Variants in NAA16 observed in about 807,000 individuals in gnomAD.
NAA16 encodes N-alpha-acetyltransferase 16, NatA auxiliary subunit.
A neutral mutation model predicts 110.3 loss-of-function variants in NAA16; 97 were observed. That is an observed-to-expected ratio of 0.88 (90% CI 0.75 to 1.04). The LOEUF is 1.04. Ranked by LOEUF, NAA16 falls within the 50% of genes least tolerant of loss-of-function variation. NAA16 has a pLI of 0.00. For missense variants in NAA16, 1,017 were observed against 1,005.1 expected (o/e 1.01, Z -0.16); for synonymous variants, 372 against 330.6 (o/e 1.13, Z -1.36).
chr13:41,366,137 C>A (rs920651350), intron 13 of NAA16, among the ~76,000 whole-genome samples: 7 of 152,100 alleles, frequency 4.6e-5, no homozygotes, highest in African/African-American at 1.7e-4. Context: ...GGGAAAGATG[C>A]AGTTTTCAAT....
intron 1 of NAA16, 90 bp downstream of exon 1, chr13:41,311,672 A>T: frequency 8.2e-7 from 1 of 1,214,598 alleles, no homozygotes; most frequent in East Asian, 2.7e-5. Flanking sequence ...GGCGCGGGCC[A>T]GGCTTGGCCT....
At position 41,368,456 on chromosome 13, in the gene NAA16, A is replaced by G. The variant is rs749736594; in HGVS notation, c.1754-634A>G. Among the ~76,000 whole-genome samples the G allele has an allele frequency of 6.8e-4, 104 of 152,322 alleles. 1 individual carries two copies. The highest frequency in any genetic ancestry group is 1.1e-3 in the Admixed American group (17 of 15,296). ...ATTGTGTAGGAGGCAGAACTGGGCTACTATTGGTCAATTTTAGTTAATGCA... is the reference window on the plus strand; with the variant it reads ...ATTGTGTAGGAGGCAGAACTGGGCTGCTATTGGTCAATTTTAGTTAATGCA... On this transcript the variant is annotated intron_variant, in intron 14 of 19. Transcript: ENST00000379406.
chr13:41,355,329 G>C, intron 10 of NAA16, 113 bp downstream of exon 10: 1 of 609,532 alleles, frequency 1.6e-6, no homozygotes, highest in Non-Finnish European at 2.8e-6. Context: ...TTAATAAATG[G>C]CTTTCAAATT....
At chr13:41,346,296 G>A (rs148075145) in intron 9 of NAA16, among the ~76,000 whole-genome samples, 35 of 152,168 alleles carry the variant, frequency 2.3e-4, no homozygotes, top group African/African-American at 7.5e-4. Context: ...CCATAAATGC[G>A]AGGGTTCACC....
intron 9 of NAA16, among the ~76,000 whole-genome samples, chr13:41,340,713 TGCGCCCAGGCTGGA>T (rs996381375): frequency 7.6e-6 from 1 of 131,922 alleles, no homozygotes; most frequent in Non-Finnish European, 1.5e-5. Context: ...TCTCTCTCAT[TGCGCCCAGGCTGGA>T]GTGCAGTGGT....
chr13:41,338,836 T>G (rs150890197), intron 9 of NAA16, among the ~76,000 whole-genome samples: 1 of 152,310 alleles, frequency 6.6e-6, no homozygotes, highest in Non-Finnish European at 1.5e-5. Flanking sequence ...TAGTGGTGAT[T>G]TCTGAGATTT....
chr13:41,373,759 T>G lies in NAA16; in HGVS notation c.2278T>G (p.Ser760Ala), dbSNP rs750612638. Residue 760 changes from serine (S) to alanine (A), a missense_variant, in exon 18 of 20, where the codon TCT becomes GCT. Coordinates refer to ENST00000379406, the MANE Select transcript of NAA16 (RefSeq NM_024561.5). ...NEDFLKRNATSLQHLLSGAKM... is the reference protein window; with the variant it reads ...NEDFLKRNATALQHLLSGAKM... ...GGATTTTCTGAAACGTAACGCTACC[T>G]CTCTTCAGCATCTACTTTCAGGTTT... 2.5e-6 allele frequency: 4 copies of G among 1,605,030 alleles called. No homozygotes were observed. The South Asian group carries it at 4.5e-5, about 18-fold the overall frequency.
rs552067362 is a variant in NAA16, at chr13:41,318,837, C to A, written c.171C>A (p.Asn57Lys). The change falls in exon 3 of 20, where the codon AAC (asparagine) becomes AAA (lysine). Residue 57 changes from asparagine to lysine, a missense_variant. Transcript: ENST00000379406. ...TGGCTATGAAAGGATTAACACTGAA[C>A]TGTTTAGGAAAAAAAGAAGAAGCTT... is the stretch of plus-strand genomic sequence containing the variant. ...ETLAMKGLTL[N>K]CLGKKEEAYE... 2.1e-5 allele frequency: 33 copies of A among 1,597,414 alleles called. No individual in the cohort carries two copies. The South Asian group carries it at 3.3e-4, about 16-fold the overall frequency.
At chr13:41,372,595 G>A in intron 16 of NAA16, 137 bp from the exon 17 acceptor site, 1 of 1,326,930 alleles carries the variant, frequency 7.5e-7, no homozygotes, top group Non-Finnish European at 9.6e-7. Context: ...TTGATAGCCA[G>A]AGTCAACTTT....
intron 8 of NAA16, among the ~76,000 whole-genome samples, chr13:41,333,315 T>C (rs2042289739): frequency 6.6e-6 from 1 of 152,136 alleles, no homozygotes; most frequent in Non-Finnish European, 1.5e-5. Context: ...AAAAAGTGTG[T>C]GCAATTCAGT....
chr13:41,312,006 C>T (rs2041611105), intron 1 of NAA16, among the ~76,000 whole-genome samples: 2 of 152,292 alleles, frequency 1.3e-5, no homozygotes, highest in African/African-American at 4.8e-5. Context: ...CTCTGCTTTG[C>T]GTTTAGTTAG....
intron 10 of NAA16, among the ~76,000 whole-genome samples, chr13:41,357,586 G>A (rs767449306): frequency 9.2e-5 from 14 of 152,142 alleles, no homozygotes; most frequent in African/African-American, 1.7e-4. Context: ...TTTTGATGTA[G>A]TGTGGGTATA....
At chr13:41,339,200 G>C (rs1236116079) in intron 9 of NAA16, among the ~76,000 whole-genome samples, 2 of 152,190 alleles carry the variant, frequency 1.3e-5, no homozygotes, top group African/African-American at 4.8e-5. Context: ...GAGTGCAATG[G>C]CATAATCTCG....
At chr13:41,369,807 A>G (rs901364446) in intron 15 of NAA16, among the ~76,000 whole-genome samples, 1 of 152,142 alleles carries the variant, frequency 6.6e-6, no homozygotes, top group Non-Finnish European at 1.5e-5. Flanking sequence ...AAAGGCATTG[A>G]ACGGATTCCC....
chr13:41,318,825 A>G lies in NAA16; in HGVS notation c.159A>G (p.Gly53=). Reference sequence around the variant, plus strand: ...TTTCAGAGACTTTGGCTATGAAAGGATTAACACTGAACTGTTTAGGAAAAA... The same window carrying G: ...TTTCAGAGACTTTGGCTATGAAAGGGTTAACACTGAACTGTTTAGGAAAAA... ...AEHGETLAMK[G]LTLNCLGKKE... The change falls in exon 3 of 20, where the codon GGA becomes GGG. Residue 53 remains glycine, a synonymous_variant. Transcript: ENST00000379406. The G allele has an allele frequency of 6.3e-7, 1 of 1,577,702 alleles. No homozygotes were observed. The highest frequency in any genetic ancestry group is 8.6e-7 in the Non-Finnish European group (1 of 1,165,284).
Position 41,367,464 on chromosome 13 carries a change from A to C in NAA16, c.1565A>C (p.Gln522Pro). 2 of 1,602,542 alleles carry C rather than the reference A, an allele frequency of 1.2e-6. No homozygotes were observed. Among genetic ancestry groups the C allele is most frequent in the Non-Finnish European group, 1.7e-6 (2 of 1,173,128 alleles). The stretch of plus-strand genomic sequence containing the variant: ...CATTTTTTTGAGATAACTGATGACC[A>C]ATTCGACTTCCATACATACTGCATG... ...ERHFFEITDD[Q>P]FDFHTYCMRK... is the part of the protein sequence containing the mutation. Residue 522 changes from glutamine to proline, a missense_variant, in exon 14 of 20, where the codon CAA becomes CCA. Coordinates refer to ENST00000379406, the MANE Select transcript of NAA16 (RefSeq NM_024561.5).
At chr13:41,357,163 A>G (rs2043008443) in intron 10 of NAA16, among the ~76,000 whole-genome samples, 1 of 152,218 alleles carries the variant, frequency 6.6e-6, no homozygotes, top group African/African-American at 2.4e-5. Flanking sequence ...CCTACAAAAA[A>G]TTAAAATATT....
intron 12 of NAA16, 88 bp downstream of exon 12, chr13:41,359,050 T>TC: frequency 8.8e-7 from 1 of 1,134,438 alleles, no homozygotes; most frequent in Non-Finnish European, 1.2e-6. Context: ...GTGAAGAACT[T>TC]CAGTGGAAGT....
chr13:41,342,723 AGAT>A (rs2042585087), intron 9 of NAA16, among the ~76,000 whole-genome samples: 1 of 152,188 alleles, frequency 6.6e-6, no homozygotes, highest in South Asian at 2.1e-4. Context: ...TAACGCCCAT[AGAT>A]AAGTTGTCCA....
Sources: allele counts gnomAD v4.1 joint callset (sites outside exome capture counted in the v4.1 genomes callset), GRCh38; gene constraint gnomAD v4.1.1; transcripts MANE v1.5; gene names NCBI Gene and HGNC (gene_info 2026-07-23, HGNC 2026-07-21).